The following MROH2B variants were observed in gnomAD, a reference collection of about 807,000 sequenced individuals.
MROH2B encodes the protein maestro heat-like repeat-containing protein family member 2B.
MROH2B carries 177 observed loss-of-function variants against 208.6 expected under a neutral mutation model. The ratio of observed to expected loss-of-function variants is 0.85; its 90% CI spans 0.75 to 0.96. MROH2B has a LOEUF of 0.96. MROH2B is among the 40% of genes least tolerant of loss of function. MROH2B has a pLI of 0.00. For missense variants in MROH2B, 2,002 were observed against 1,878.7 expected, an observed-to-expected ratio of 1.07 and a Z score of -1.21; for synonymous variants, 728 against 659.0, an observed-to-expected ratio of 1.10 and a Z score of -1.60.
In MROH2B at chr5:41,000,293, C is replaced by G. The variant is rs753739948; in HGVS notation, c.4409G>C (p.Gly1470Ala). The G allele has an allele frequency of 1.9e-5, 30 of 1,613,802 alleles. No individual in the cohort carries two copies. Among genetic ancestry groups the G allele is most frequent in the Non-Finnish European group, 2.4e-5 (28 of 1,179,842 alleles). The change falls in exon 39 of 42, where the codon GGG becomes GCG. Residue 1470 changes from glycine to alanine, a missense_variant. Coordinates refer to ENST00000399564, the MANE Select transcript of MROH2B (RefSeq NM_173489.5). ...CTGATCAAGGAGACGGTCTAATACC[C>G]CATAGAGCTCCTGGAGGCCCAAAAA... Reference protein sequence around the residue: ...IPFLGLQELYGVLDRLLDQDL... With the variant: ...IPFLGLQELYAVLDRLLDQDL...
At chr5:41,039,178 T>C (rs973954716) in intron 20 of MROH2B, among the ~76,000 whole-genome samples, 1 of 152,106 alleles carries the variant, frequency 6.6e-6, no homozygotes, top group East Asian at 1.9e-4. Context: ...AGAGGAGCTA[T>C]TCATGAGGGC....
intron 11 of MROH2B, among the ~76,000 whole-genome samples, chr5:41,053,389 T>C (rs1579952184): frequency 6.6e-6 from 1 of 152,224 alleles, no homozygotes; most frequent in African/African-American, 2.4e-5. Flanking sequence ...TGAAAAATTG[T>C]CAATTCTGAA....
chr5:41,056,673 G>T (rs1397114432), intron 9 of MROH2B, among the ~76,000 whole-genome samples: 1 of 150,516 alleles, frequency 6.6e-6, no homozygotes, highest in Admixed American at 6.7e-5. Flanking sequence ...GAGAGAGAGA[G>T]ACGGAGTGAC....
rs184362599 is a variant in MROH2B at position 41,027,239 on chromosome 5, G to A, written c.2441+5503C>T. Among the ~76,000 whole-genome samples, 75 of 152,272 alleles carry A rather than the reference G, an allele frequency of 4.9e-4. 1 individual carries two copies. Among genetic ancestry groups the A allele is most frequent in the South Asian group, 1.5e-3 (7 of 4,822 alleles). The stretch of plus-strand genomic sequence containing the variant: ...TGCACAGCAAAAGAAACTACCATCA[G>A]AGTGAACAGACAACCTACAAAATGG... On this transcript the variant is annotated intron_variant, in intron 24 of 41. Transcript: ENST00000399564.
intron 31 of MROH2B, 44 bp downstream of exon 31, chr5:41,009,878 A>G: frequency 6.4e-7 from 1 of 1,566,548 alleles, no homozygotes; most frequent in Non-Finnish European, 8.7e-7. Flanking sequence ...TGCCTTTCAG[A>G]GTGGCCTTCC....
chr5:41,055,201 T>G (rs1447389825), intron 10 of MROH2B, among the ~76,000 whole-genome samples: 1 of 152,196 alleles, frequency 6.6e-6, no homozygotes, highest in Non-Finnish European at 1.5e-5. Flanking sequence ...TACCATACTA[T>G]GCAAAAATGA....
At chr5:41,006,996 A>T (rs994379614) in intron 34 of MROH2B, among the ~76,000 whole-genome samples, 3 of 152,110 alleles carry the variant, frequency 2.0e-5, no homozygotes, top group African/African-American at 7.2e-5. Flanking sequence ...AAAAAAATAA[A>T]ATTTTTTTTA....
At chr5:41,051,511 G>T (rs115740326) in intron 12 of MROH2B, 3,601 of 152,878 alleles carry the variant, frequency 0.024, 58 homozygotes, top group Middle Eastern at 0.061. Context: ...GACCTCAATT[G>T]TGTGATCTGA....
intron 28 of MROH2B, 113 bp downstream of exon 28, chr5:41,017,737 G>A: frequency 2.5e-6 from 3 of 1,205,942 alleles, no homozygotes; most frequent in South Asian, 3.5e-5. Flanking sequence ...TGAGGAAAGA[G>A]GAGAGAGGAG....
At position 41,057,127 on chromosome 5, in the gene MROH2B, T is replaced by C. The variant is rs770416497; in HGVS notation, c.901A>G (p.Ser301Gly). The C allele has an allele frequency of 1.2e-6, 2 of 1,613,922 alleles. No homozygotes were observed. The highest frequency in any genetic ancestry group is 1.3e-5 in the African/African-American group (1 of 74,946). Residue 301 changes from serine (S) to glycine (G), a missense_variant, in exon 9 of 42, where the codon AGC becomes GGC. By Grantham distance (56) the Ser-to-Gly change is moderately conservative. Coordinates refer to ENST00000399564, the MANE Select transcript of MROH2B (RefSeq NM_173489.5). Reference sequence around the variant, plus strand: ...GTCCTACCTAGAATGAGAAAACAGCTTGAAGCTTTCATTTCATTTTCCTTT... The same window carrying C: ...GTCCTACCTAGAATGAGAAAACAGCCTGAAGCTTTCATTTCATTTTCCTTT... ...PVKENEMKAS[S>G]CFLILAHSNP...
chr5:41,036,879 C>T (rs1050854408), intron 21 of MROH2B, among the ~76,000 whole-genome samples: 4 of 152,120 alleles, frequency 2.6e-5, no homozygotes, highest in Admixed American at 1.3e-4. Flanking sequence ...AAGAGTGTAT[C>T]ACTGATGGAG....
intron 19 of MROH2B, among the ~76,000 whole-genome samples, chr5:41,041,223 A>T (rs1742936267): frequency 6.6e-6 from 1 of 152,188 alleles, no homozygotes; most frequent in South Asian, 2.1e-4. Flanking sequence ...AGAACCCTAA[A>T]TATCTTATAA....
chr5:41,063,539 G>A (rs764577250), intron 5 of MROH2B, among the ~76,000 whole-genome samples: 75 of 152,120 alleles, frequency 4.9e-4, no homozygotes, highest in Non-Finnish European at 1.3e-4. Flanking sequence ...ATATATATCA[G>A]ATAAAAATAT....
chr5:41,068,722 T>C (rs1347982447), intron 2 of MROH2B, among the ~76,000 whole-genome samples: 3 of 62,294 alleles, frequency 4.8e-5, no homozygotes, highest in Non-Finnish European at 1.2e-4. Flanking sequence ...GTTATTCTCT[T>C]AAGTGATTCC....
chr5:41,007,564 G>A (rs1348010742), intron 33 of MROH2B, 110 bp from the exon 34 acceptor site: 17 of 1,076,222 alleles, frequency 1.6e-5, no homozygotes, highest in Non-Finnish European at 8.5e-6. Flanking sequence ...CTGGACTAGG[G>A]GATGTTGTGT....
intron 24 of MROH2B, among the ~76,000 whole-genome samples, chr5:41,024,882 C>G (rs1013650039): frequency 6.6e-6 from 1 of 152,180 alleles, no homozygotes; most frequent in Non-Finnish European, 1.5e-5. Context: ...TTAAGAAACT[C>G]ACTCAAAACT....
intron 5 of MROH2B, among the ~76,000 whole-genome samples, chr5:41,062,653 A>G (rs1039917288): frequency 3.9e-5 from 6 of 152,172 alleles, no homozygotes; most frequent in African/African-American, 1.2e-4. Context: ...ATGATAAAGA[A>G]AATTAATTAG....
chr5:41,033,091 C>G lies in MROH2B; in HGVS notation c.2311G>C (p.Asp771His), dbSNP rs771173852. 1.2e-6 allele frequency: 2 copies of G among 1,613,122 alleles called. No homozygotes were observed. Among genetic ancestry groups the G allele is most frequent in the South Asian group, 2.2e-5 (2 of 91,076 alleles). Residue 771 changes from aspartate (D) to histidine (H), a missense_variant, in exon 23 of 42, where the codon GAT becomes CAT. Physicochemically the swap from Asp to His is moderately conservative, Grantham distance 81 (BLOSUM62 -1). Transcript: ENST00000399564. ...EIGIAVQDAEDQGFQFSYKEM... is the reference protein window; with the variant it reads ...EIGIAVQDAEHQGFQFSYKEM... Reference sequence around the variant, plus strand: ...TTGTAGGAAAACTGGAACCCCTGATCCTCAGCATCTTGGACAGCAATGCCA... The same window carrying G: ...TTGTAGGAAAACTGGAACCCCTGATGCTCAGCATCTTGGACAGCAATGCCA...
Position 41,018,407 on chromosome 5 carries a change from T to C in MROH2B, c.2697A>G (p.Ser899=), listed in dbSNP as rs775436425. Residue 899 remains serine, a synonymous_variant, in exon 27 of 42, where the codon TCA becomes TCG. Transcript: ENST00000399564. ...MFNLLQMWLV[S]QKEWERERAF... ...CTCTTTCTCTTTCCCACTCTTTTTG[T>C]GAAACAAGCCACATTTGGAGAAGCT... 3 of 1,612,468 alleles carry C rather than the reference T, an allele frequency of 1.9e-6. No homozygotes were observed. Among genetic ancestry groups the C allele is most frequent in the East Asian group, 4.5e-5 (2 of 44,834 alleles).
Sources: allele counts gnomAD v4.1 joint callset (sites outside exome capture counted in the v4.1 genomes callset), GRCh38; gene constraint gnomAD v4.1.1; transcripts MANE v1.5; gene names NCBI Gene and HGNC (gene_info 2026-07-23, HGNC 2026-07-21).